ITPR3: variants seen among roughly 807,000 people sequenced by gnomAD.
ITPR3 encodes the protein inositol 1,4,5-trisphosphate receptor type 3.
A neutral mutation model predicts 293.2 loss-of-function variants in ITPR3; 173 were observed. The ratio of observed to expected loss-of-function variants is 0.59; its 90% CI spans 0.52 to 0.67. The LOEUF (loss-of-function observed/expected upper bound fraction) is 0.67. Among genes scored for constraint, ITPR3 ranks in the 30% least tolerant of loss-of-function variants. ITPR3 has a pLI of 0.00. For missense variants in ITPR3, 2,796 were observed against 3,592.1 expected (o/e 0.78, Z 5.66); for synonymous variants, 1,295 against 1,444.4 (o/e 0.90, Z 2.35).
In ITPR3 at chr6:33,638,816, G is replaced by A. The variant is rs1247609785; in HGVS notation, c.90-1668G>A. Among the ~76,000 whole-genome samples the A allele has an allele frequency of 6.6e-6, 1 of 152,238 alleles. No homozygotes were observed. Among genetic ancestry groups the A allele is most frequent in the Non-Finnish European group, 1.5e-5 (1 of 68,044 alleles). On this transcript the variant is annotated intron_variant, in intron 1 of 57. Coordinates refer to ENST00000605930, the MANE Select transcript of ITPR3 (RefSeq NM_002224.4). The surrounding 1 kb of genome is among the most constrained non-coding windows in gnomAD (Gnocchi z 4.3). ...GGGAGAGACACTGCCAGGACCAGGT[G>A]CCGGAACATGAAGGAGGGAGGCCCA...
At chr6:33,641,154 G>T (rs1763941371) in intron 2 of ITPR3, among the ~76,000 whole-genome samples, 1 of 152,232 alleles carries the variant, frequency 6.6e-6, no homozygotes, top group Non-Finnish European at 1.5e-5. Context: ...GGCTCCTCGG[G>T]CCGCCCAGCA....
At position 33,669,116 on chromosome 6, in the gene ITPR3, G is replaced by T; in HGVS notation, c.2149G>T (p.Ala717Ser). ...GAGGCAGCTGGCCCAGGAGGCGCGG[G>T]CCGGCAACGCCCACGACGAGAATGT... ...SVRQLAQEAR[A>S]GNAHDENVLS... The change falls in exon 18 of 58, where the codon GCC becomes TCC. Residue 717 changes from alanine (A) to serine (S), a missense_variant. Physicochemically the swap from Ala to Ser is moderately conservative, Grantham distance 99. Transcript: ENST00000605930. The T allele has an allele frequency of 6.2e-7, 1 of 1,614,120 alleles. No homozygotes were observed. Among genetic ancestry groups the T allele is most frequent in the Non-Finnish European group, 8.5e-7 (1 of 1,179,988 alleles).
intron 16 of ITPR3, 111 bp from the exon 17 acceptor site, chr6:33,668,404 C>G (rs928448522): frequency 4.4e-5 from 62 of 1,401,674 alleles, no homozygotes; most frequent in Non-Finnish European, 5.7e-5. Flanking sequence ...TGGGAGGGAG[C>G]TAGTTCCAGG....
At position 33,632,026 on chromosome 6, in the gene ITPR3, T is replaced by C. The variant is rs550693841; in HGVS notation, c.90-8458T>C. Among the ~76,000 whole-genome samples, 1 of 152,350 alleles carries C rather than the reference T, an allele frequency of 6.6e-6. No individual in the cohort carries two copies. Among genetic ancestry groups the C allele is most frequent in the East Asian group, 1.9e-4 (1 of 5,194 alleles). On this transcript the variant is annotated intron_variant, in intron 1 of 57. Coordinates refer to ENST00000605930, the MANE Select transcript of ITPR3 (RefSeq NM_002224.4). This position sits in a 1 kb window ranked among gnomAD's most constrained non-coding sequence, Gnocchi z 4.1. ...CTAATTTGTATTATGACTATTCTTA[T>C]TCTATTTTTTTTATTATACTGAAAC...
In ITPR3 at chr6:33,673,728, C is replaced by T; in HGVS notation, c.3058+8C>T. On this transcript the variant is annotated splice_region_variant and intron_variant, in intron 23 of 57. Transcript: ENST00000605930. The stretch of plus-strand genomic sequence containing the variant: ...CTGCCTTCGACTCTACCAGTAAGCC[C>T]CTGCCCTGCCTTCAGGCTGAGGCTG... 1 of 1,613,972 alleles carries T rather than the reference C, an allele frequency of 6.2e-7. No individual in the cohort carries two copies. The highest frequency in any genetic ancestry group is 8.5e-7 in the Non-Finnish European group (1 of 1,179,908).
chr6:33,689,113 A>G, intron 49 of ITPR3, 125 bp from the exon 50 acceptor site: 1 of 1,156,558 alleles, frequency 8.6e-7, no homozygotes, highest in Non-Finnish European at 1.2e-6. Flanking sequence ...GGAGGCTAAA[A>G]CCAGGCACCA....
At chr6:33,663,368 TG>T in intron 9 of ITPR3, 131 bp from the exon 10 acceptor site, 1 of 785,914 alleles carries the variant, frequency 1.3e-6, no homozygotes, top group Non-Finnish European at 2.1e-6. Flanking sequence ...TGGAATGATA[TG>T]GGCACCCCTG....
chr6:33,689,387 C>T lies in ITPR3; in HGVS notation c.6844C>T (p.Leu2282Phe). Reference protein sequence around the residue: ...SIYYLGIGPTLNILGALNLTN... With the variant: ...SIYYLGIGPTFNILGALNLTN... ...CTACTATCTGGGCATCGGGCCCACA[C>T]TCAACATCCTGGGTGCCCTCAATGT... The change falls in exon 50 of 58, where the codon CTC becomes TTC. Residue 2282 changes from leucine to phenylalanine, a missense_variant. Transcript: ENST00000605930. 6.2e-7 allele frequency: 1 copy of T among 1,610,686 alleles called. No individual in the cohort carries two copies. Among genetic ancestry groups the T allele is most frequent in the Non-Finnish European group, 8.5e-7 (1 of 1,179,998 alleles).
intron 1 of ITPR3, among the ~76,000 whole-genome samples, chr6:33,629,786 T>C (rs945523628): frequency 1.3e-5 from 2 of 148,774 alleles, no homozygotes; most frequent in South Asian, 4.6e-4. Context: ...GGCCTGACCA[T>C]TGGTTTCTTT....
chr6:33,631,424 G>GCCCTTCCCTTTTA (rs1017855252), intron 1 of ITPR3, among the ~76,000 whole-genome samples: 1 of 152,164 alleles, frequency 6.6e-6, no homozygotes, highest in Non-Finnish European at 1.5e-5. Flanking sequence ...AGGATAGGCG[G>GCCCTTCCCTTTTA]CCCTTCCCTT....
In ITPR3 at chr6:33,675,903, G is replaced by A; in HGVS notation, c.3282+47G>A. 1 of 1,492,548 alleles carries A rather than the reference G, an allele frequency of 6.7e-7. No individual in the cohort carries two copies. The highest frequency in any genetic ancestry group is 1.3e-5 in the South Asian group (1 of 76,968). The allele number at this position is 1,492,548 out of a possible 1,614,324, so 92.5% of individuals were successfully genotyped here. A position where few individuals can be genotyped will look rare whatever the true frequency, so the allele number is the denominator to read the frequency against. On this transcript the variant is annotated intron_variant, in intron 25 of 57. Coordinates refer to ENST00000605930, the MANE Select transcript of ITPR3 (RefSeq NM_002224.4). The surrounding 1 kb of genome is among the most constrained non-coding windows in gnomAD (Gnocchi z 5.0). ...GGCCCTGAGCATGAGGCCTGCACCA[G>A]GCACGGGGGGACAGTAAACGATGAT...
chr6:33,623,603 C>G (rs1031537535), intron 1 of ITPR3, among the ~76,000 whole-genome samples: 2 of 152,106 alleles, frequency 1.3e-5, no homozygotes, highest in Non-Finnish European at 2.9e-5. Flanking sequence ...GCGTGAACCA[C>G]CGTGCCCTGC....
chr6:33,672,308 C>A lies in ITPR3; in HGVS notation c.2928+80C>A. The A allele has an allele frequency of 7.9e-7, 1 of 1,260,878 alleles. No individual in the cohort carries two copies. Among genetic ancestry groups the A allele is most frequent in the Non-Finnish European group, 1.1e-6 (1 of 883,654 alleles). The allele number at this position is 1,260,878 out of a possible 1,614,324, so 78.1% of individuals were successfully genotyped here. A position where few individuals can be genotyped will look rare whatever the true frequency, so the allele number is the denominator to read the frequency against. On this transcript the variant is annotated intron_variant, in intron 22 of 57. Transcript: ENST00000605930. The surrounding 1 kb of genome is among the most constrained non-coding windows in gnomAD (Gnocchi z 5.0). Reference sequence around the variant, plus strand: ...GCGGGTACAGGGAGGCTGGGCAGGGCGAACCCCTTCAGATCTCAGTATTTA... The same window carrying A: ...GCGGGTACAGGGAGGCTGGGCAGGGAGAACCCCTTCAGATCTCAGTATTTA...
chr6:33,685,240 GCCTGCAGCCAGGCC>G, intron 39 of ITPR3, 105 bp from the exon 40 acceptor site: 1 of 1,031,424 alleles, frequency 9.7e-7, no homozygotes. Context: ...CAGCACCCAG[GCCTGCAGCCAGGCC>G]CCTGCAGCCC....
intron 1 of ITPR3, among the ~76,000 whole-genome samples, chr6:33,636,480 A>C (rs572571816): frequency 6.6e-6 from 1 of 151,958 alleles, no homozygotes; most frequent in South Asian, 2.1e-4. Flanking sequence ...TCTGTACCTG[A>C]CTGTGTATTT....
chr6:33,626,165 G>C (rs1057067335), intron 1 of ITPR3, among the ~76,000 whole-genome samples: 1 of 152,090 alleles, frequency 6.6e-6, no homozygotes, highest in Non-Finnish European at 1.5e-5. Flanking sequence ...AAACTCCTGG[G>C]CTCAAGTGAT....
intron 22 of ITPR3, 54 bp from the exon 23 acceptor site, chr6:33,673,537 G>A (rs1467273234): frequency 6.3e-7 from 1 of 1,599,420 alleles, no homozygotes; most frequent in African/African-American, 1.3e-5. Context: ...AGGGCCTTCT[G>A]ACCTCAGATC....
chr6:33,634,937 G>T (rs1054535746), intron 1 of ITPR3, among the ~76,000 whole-genome samples: 1 of 151,942 alleles, frequency 6.6e-6, no homozygotes, highest in African/African-American at 2.4e-5. Flanking sequence ...TCTTTCCCCC[G>T]CTACAAGGCC....
Position 33,684,424 on chromosome 6 carries a change from C to T in ITPR3, c.5005C>T (p.Leu1669=), listed in dbSNP as rs780180306. The T allele has an allele frequency of 2.5e-6, 4 of 1,614,114 alleles. No homozygotes were observed. Among genetic ancestry groups the T allele is most frequent in the Non-Finnish European group, 3.4e-6 (4 of 1,180,006 alleles). Residue 1669 remains leucine, a synonymous_variant, in exon 37 of 58, where the codon CTG becomes TTG. Coordinates refer to ENST00000605930, the MANE Select transcript of ITPR3 (RefSeq NM_002224.4). The surrounding 1 kb of genome is among the most constrained non-coding windows in gnomAD (Gnocchi z 4.2). ...EKLCIKVLRT[L]QQMLLKKTKY... is the part of the protein sequence containing the mutation. Reference sequence around the variant, plus strand: ...GCTGTGCATCAAGGTGCTGCGGACCCTGCAGCAGATGCTGCTCAAGAAGAC... The same window carrying T: ...GCTGTGCATCAAGGTGCTGCGGACCTTGCAGCAGATGCTGCTCAAGAAGAC...
Sources: allele counts gnomAD v4.1 joint callset (sites outside exome capture counted in the v4.1 genomes callset), GRCh38; gene constraint gnomAD v4.1.1; non-coding constraint Gnocchi (gnomAD v3.1); transcripts MANE v1.5; gene names NCBI Gene and HGNC (gene_info 2026-07-23, HGNC 2026-07-21).